PRSS57: variants seen among roughly 807,000 people sequenced by gnomAD.
PRSS57 encodes serine protease 57.
In PRSS57, 19 loss-of-function variants were observed where a neutral mutation model predicts 20.6. The ratio of observed to expected loss-of-function variants is 0.92; its 90% CI spans 0.64 to 1.35. The LOEUF (loss-of-function observed/expected upper bound fraction) is 1.35. Among genes scored for constraint, PRSS57 ranks in the 40% most tolerant of loss-of-function variants. The pLI is 0.00. For synonymous variants in PRSS57, 203 were observed against 176.6 expected (o/e 1.15, Z -1.19); for missense variants, 440 against 403.7 (o/e 1.09, Z -0.77).
chr19:692,386 A>AC (rs1308896203), intron 2 of PRSS57, among the ~76,000 whole-genome samples: 10 of 151,130 alleles, frequency 6.6e-5, no homozygotes, highest in African/African-American at 2.4e-4. Context: ...CAAAAAAAAA[A>AC]CAATTACTTT....
intron 2 of PRSS57, among the ~76,000 whole-genome samples, chr19:694,516 C>T (rs368772193): frequency 6.7e-6 from 1 of 149,096 alleles, no homozygotes; most frequent in African/African-American, 2.5e-5. Flanking sequence ...TGCAGTGAGC[C>T]GAGATTGCAC....
intron 3 of PRSS57, among the ~76,000 whole-genome samples, chr19:690,047 C>T (rs768156355): frequency 4.7e-5 from 7 of 148,654 alleles, no homozygotes; most frequent in South Asian, 4.3e-4. Context: ...AGTGAGACTC[C>T]GTCTCAAAAA....
rs905209539 is a variant in PRSS57 at position 685,861 on chromosome 19, C to A, written c.704G>T (p.Gly235Val). Residue 235 changes from glycine (G) to valine (V), a missense_variant, in exon 5 of 5, where the codon GGC becomes GTC. By Grantham distance (109) the Gly-to-Val change is moderately radical (BLOSUM62 -3). Coordinates refer to ENST00000329267, the MANE Select transcript of PRSS57 (RefSeq NM_001308209.2). ...NRAHGLVSFS[G>V]LWCGDPKTPD... ...GGTCTTGGGGTCGCCGCACCAGAGG[C>A]CCGAGAAGGAAACGAGGCCGTGAGC... 2 of 1,558,362 alleles carry A rather than the reference C, an allele frequency of 1.3e-6. No individual in the cohort carries two copies. The highest frequency in any genetic ancestry group is 1.4e-5 in the African/African-American group (1 of 73,442).
Position 692,160 on chromosome 19 carries a change from G to A in PRSS57, c.234-158C>T, listed in dbSNP as rs144722148. Among the ~76,000 whole-genome samples the A allele has an allele frequency of 3.2e-3, 486 of 151,874 alleles. 2 individuals are homozygous for A. Among genetic ancestry groups the A allele is most frequent in the Non-Finnish European group, 4.1e-3 (279 of 67,920 alleles). On this transcript the variant is annotated intron_variant, in intron 2 of 4. Coordinates refer to ENST00000329267, the MANE Select transcript of PRSS57 (RefSeq NM_001308209.2). ...TGAGGAGGGTGGATCACCTGAGGTC[G>A]GGAGTTCAAGACCAGCCTGATCAAC... is the stretch of plus-strand genomic sequence containing the variant.
At chr19:694,449 T>G (rs1285564595) in intron 2 of PRSS57, among the ~76,000 whole-genome samples, 1 of 150,954 alleles carries the variant, frequency 6.6e-6, no homozygotes, top group Non-Finnish European at 1.5e-5. Flanking sequence ...GCGCCTGTGA[T>G]CCCAGCTACT....
chr19:688,602 C>CTTTTTT (rs11451021), intron 3 of PRSS57, among the ~76,000 whole-genome samples: 3 of 110,194 alleles, frequency 2.7e-5, no homozygotes, highest in African/African-American at 3.8e-5. Context: ...CACCCAGGGA[C>CTTTTTT]TTTTTTTTTT....
chr19:688,637 C>G (rs1223151596), intron 3 of PRSS57, among the ~76,000 whole-genome samples: 1 of 122,708 alleles, frequency 8.1e-6, no homozygotes, highest in African/African-American at 3.2e-5. Flanking sequence ...CTCACTCTGT[C>G]ACCCAGGCTG....
At position 687,195 on chromosome 19, in the gene PRSS57, G is replaced by A. The variant is rs767941799; in HGVS notation, c.379-7C>T. ...GGACAGCAGAGCCGTTCAGCTGCAG[G>A]GAGAGCATGAGTTCAGGCCACTGGG... On this transcript the variant is annotated splice_region_variant and splice_polypyrimidine_tract_variant and intron_variant, in intron 3 of 4. Coordinates refer to ENST00000329267, the MANE Select transcript of PRSS57 (RefSeq NM_001308209.2). 2.0e-6 allele frequency: 3 copies of A among 1,513,744 alleles called. No individual in the cohort carries two copies. Among genetic ancestry groups the A allele is most frequent in the Admixed American group, 4.3e-5 (2 of 46,474 alleles). 93.8% of individuals were successfully genotyped at this position (1,513,744 alleles called of 1,614,324 possible). A position where few individuals can be genotyped will look rare whatever the true frequency, so the allele number is the denominator to read the frequency against.
chr19:689,069 G>C (rs1468667980), intron 3 of PRSS57, among the ~76,000 whole-genome samples: 1 of 152,116 alleles, frequency 6.6e-6, no homozygotes, highest in African/African-American at 2.4e-5. Context: ...GGAAGCGGGT[G>C]GTCCAGGGGT....
intron 3 of PRSS57, chr19:690,689 G>C (rs1356440905): frequency 3.3e-6 from 1 of 302,206 alleles, no homozygotes; most frequent in Non-Finnish European, 6.5e-6. Context: ...CGAGGCGTCT[G>C]TTCCCACCGG....
Position 694,816 on chromosome 19 carries a change from G to GTGGC in PRSS57, c.227_230dup (p.His77GlnfsTer91). 1.9e-6 allele frequency: 3 copies of GTGGC among 1,606,902 alleles called. No homozygotes were observed. Among genetic ancestry groups the GTGGC allele is most frequent in the Non-Finnish European group, 2.5e-6 (3 of 1,177,482 alleles). On this transcript the variant is annotated frameshift_variant, in exon 2 of 5. Coordinates refer to ENST00000329267, the MANE Select transcript of PRSS57 (RefSeq NM_001308209.2). LOFTEE classifies it high-confidence loss of function. ...AGGGGCCCGACAGGTGAGCTCACCT[G>GTGGC]TGGCTGAAGCAGTGGGCGGCCGAGA...
intron 3 of PRSS57, among the ~76,000 whole-genome samples, chr19:687,863 C>T (rs553161366): frequency 4.1e-4 from 63 of 152,312 alleles, no homozygotes; most frequent in African/African-American, 1.4e-3. Flanking sequence ...TTTACAGCTA[C>T]TCCCTGGGCC....
chr19:687,490 C>T (rs950050397), intron 3 of PRSS57, among the ~76,000 whole-genome samples: 2 of 152,152 alleles, frequency 1.3e-5, no homozygotes, highest in African/African-American at 2.4e-5. Flanking sequence ...ACTGCAACCT[C>T]CACCTGCCAG....
chr19:694,798 C>T lies in PRSS57; in HGVS notation c.233+16G>A, dbSNP rs769891122. On this transcript the variant is annotated intron_variant, in intron 2 of 4. Coordinates refer to ENST00000329267, the MANE Select transcript of PRSS57 (RefSeq NM_001308209.2). ...ATACGGTGTCCAGAAAGAAGGGGCC[C>T]GACAGGTGAGCTCACCTGTGGCTGA... The T allele has an allele frequency of 8.1e-6, 13 of 1,600,782 alleles. No homozygotes were observed. The highest frequency in any genetic ancestry group is 4.5e-5 in the South Asian group (4 of 89,650).
intron 3 of PRSS57, 61 bp downstream of exon 3, chr19:691,797 C>T (rs1318987250): frequency 4.5e-5 from 58 of 1,295,482 alleles, no homozygotes; most frequent in Non-Finnish European, 5.0e-5. Flanking sequence ...CCAGCCCGAG[C>T]GACAGAGCGA....
intron 3 of PRSS57, among the ~76,000 whole-genome samples, chr19:688,152 C>T (rs139632171): frequency 3.3e-5 from 5 of 152,350 alleles, no homozygotes; most frequent in African/African-American, 1.2e-4. Flanking sequence ...AGGACGGCTC[C>T]AATCCCTGTC....
At chr19:694,195 G>A (rs549775362) in intron 2 of PRSS57, among the ~76,000 whole-genome samples, 192 of 152,180 alleles carry the variant, frequency 1.3e-3, no homozygotes, top group African/African-American at 4.4e-3. Context: ...AACCTATCCC[G>A]TGCCTGGTGG....
At chr19:695,057 A>T in intron 1 of PRSS57, 90 bp from the exon 2 acceptor site, 1 of 1,245,884 alleles carries the variant, frequency 8.0e-7, no homozygotes, top group Admixed American at 3.1e-5. Context: ...AGCGGCCAAG[A>T]CAGAGACAGG....
intron 3 of PRSS57, 68 bp from the exon 4 acceptor site, chr19:687,256 C>T (rs2031508434): frequency 1.2e-5 from 17 of 1,429,026 alleles, no homozygotes; most frequent in Non-Finnish European, 1.5e-5. Flanking sequence ...TCAGTTTATC[C>T]ATGGGACCCC....
Sources: gnomAD v4.1 joint callset for allele counts (sites outside exome capture counted in the v4.1 genomes callset) on GRCh38, gnomAD v4.1.1 for gene constraint, MANE v1.5 for transcripts, NCBI Gene and HGNC (gene_info 2026-07-23, HGNC 2026-07-21) for gene names.